Variants in C11orf24 observed in about 807,000 individuals in gnomAD.
The protein encoded by C11orf24 is uncharacterized protein C11orf24.
Under a neutral mutation model 7.3 loss-of-function variants are expected in C11orf24, and 5 were observed. That is an observed-to-expected ratio of 0.69 (90% CI 0.36 to 1.45). The LOEUF (loss-of-function observed/expected upper bound fraction) is 1.45, where lower values mean the gene tolerates loss of function less well. C11orf24 is among the 40% of genes most tolerant of loss of function. The pLI, the probability that C11orf24 is intolerant of heterozygous loss-of-function variation, is 0.03. For missense variants in C11orf24, 566 were observed against 590.5 expected, an observed-to-expected ratio of 0.96 and a Z score of 0.43; for synonymous variants, 233 against 235.7, an observed-to-expected ratio of 0.99 and a Z score of 0.11.
chr11:68,271,606 C>A, intron 1 of C11orf24: 1 of 153,034 alleles, frequency 6.5e-6, no homozygotes. Context: ...GTCTCTTGGG[C>A]CCCCAGCCAT....
chr11:68,268,813 T>C (rs1018204688), intron 1 of C11orf24, among the ~76,000 whole-genome samples: 1 of 152,208 alleles, frequency 6.6e-6, no homozygotes, highest in Non-Finnish European at 1.5e-5. Flanking sequence ...CTCACAGCAT[T>C]ATTTAGAAAG....
rs1183759919 is a variant in C11orf24 at position 68,262,253 on chromosome 11, G to C, written c.742C>G (p.Pro248Ala). Residue 248 changes from proline to alanine, a missense_variant, in exon 4 of 4, where the codon CCT becomes GCT. By Grantham distance (27) the Pro-to-Ala change is conservative. Transcript: ENST00000304271. The stretch of plus-strand genomic sequence containing the variant: ...GGACCTTGTGCTTGGGGACGCATAG[G>C]GGGTACAGGGCTTGCCGCGGTGTCA... ...PSDTAASPVP[P>A]MRPQAQGPIS... is the part of the protein sequence containing the mutation. The C allele has an allele frequency of 6.2e-6, 10 of 1,613,404 alleles. No homozygotes were observed. In the Middle Eastern group the frequency reaches 6.6e-4, roughly 106 times the overall value.
rs1420502050 is a variant in C11orf24 at position 68,262,959 on chromosome 11, T to A, written c.77-41A>T. 2.5e-6 allele frequency: 4 copies of A among 1,580,330 alleles called. No homozygotes were observed. In the African/African-American group the frequency reaches 4.0e-5, roughly 16 times the overall value. ...AGGAGAAAAAGAGAGACAATCATGT[T>A]CAATCCTGCACAGGGGGATTGCTCA... is the stretch of plus-strand genomic sequence containing the variant. On this transcript the variant is annotated intron_variant, in intron 3 of 3. Coordinates refer to ENST00000304271, the MANE Select transcript of C11orf24 (RefSeq NM_022338.4).
intron 1 of C11orf24, among the ~76,000 whole-genome samples, chr11:68,270,417 C>T (rs1979579): frequency 0.6 from 90,985 of 151,794 alleles, 27,547 homozygotes; most frequent in South Asian, 0.71. Context: ...TCTTGTGTTC[C>T]GAACCTTGGC....
intron 3 of C11orf24, 52 bp downstream of exon 3, chr11:68,263,640 G>T (rs2098563095): frequency 6.5e-7 from 1 of 1,538,104 alleles, no homozygotes. Context: ...GGCTCAGCAT[G>T]CTTTGTGGCC....
chr11:68,261,856 G>A lies in C11orf24; in HGVS notation c.1139C>T (p.Thr380Ile), dbSNP rs1292711955. 11 of 1,614,134 alleles carry A rather than the reference G, an allele frequency of 6.8e-6. No homozygotes were observed. The East Asian group carries it at 2.2e-4, about 33-fold the overall frequency. ...GGTGACCACCATGTACTGGCCTTGG[G>A]TGCTGGGCTGGCACGAGTCCGTGGC... Reference protein sequence around the residue: ...MPATDSCQPSTQGQYMVVTTE... With the variant: ...MPATDSCQPSIQGQYMVVTTE... Residue 380 changes from threonine (T) to isoleucine (I), a missense_variant, in exon 4 of 4, where the codon ACC becomes ATC. Coordinates refer to ENST00000304271, the MANE Select transcript of C11orf24 (RefSeq NM_022338.4).
Position 68,261,704 on chromosome 11 carries a change from T to G in C11orf24, c.1291A>C (p.Lys431Gln). Residue 431 changes from lysine (K) to glutamine (Q), a missense_variant, in exon 4 of 4, where the codon AAG becomes CAG. Coordinates refer to ENST00000304271, the MANE Select transcript of C11orf24 (RefSeq NM_022338.4). ...AAGTAGTCCACCTGGGTGTAGTCCT[T>G]CTTCTTGTAGCTCTCATAGGCCTGC... ...ALQAYESYKK[K>Q]DYTQVDYLIN... 6.2e-7 allele frequency: 1 copy of G among 1,614,094 alleles called. No individual in the cohort carries two copies. Among genetic ancestry groups the G allele is most frequent in the South Asian group, 1.1e-5 (1 of 91,084 alleles).
At chr11:68,267,997 GGC>G (rs1565292458) in intron 2 of C11orf24, 55 bp downstream of exon 2, 1 of 152,472 alleles carries the variant, frequency 6.6e-6, no homozygotes, top group Non-Finnish European at 1.5e-5. Context: ...GCTCCCTCTG[GGC>G]TCACCGTCCC....
At position 68,261,402 on chromosome 11, in the gene C11orf24, GC is replaced by G. The variant is rs1194664157; in HGVS notation, c.*242del. 1.2e-5 allele frequency: 6 copies of G among 480,118 alleles called. No individual in the cohort carries two copies. In the Admixed American group the frequency reaches 1.8e-4, roughly 14 times the overall value. 29.7% of individuals were successfully genotyped at this position (480,118 alleles called of 1,614,324 possible). ...CACCTGGGGAGACGGGGTCCTGCCC[GC>G]CCCACCCTGAGGTGGAACCCCCAGC... On this transcript the variant is annotated 3_prime_UTR_variant, in exon 4 of 4. Transcript: ENST00000304271.
chr11:68,264,299 T>C (rs1240640121), intron 2 of C11orf24, among the ~76,000 whole-genome samples: 1 of 151,856 alleles, frequency 6.6e-6, no homozygotes, highest in East Asian at 1.9e-4. Context: ...GACTGTGCCT[T>C]TCACATGGGA....
chr11:68,264,492 A>ATCTG (rs2098563616), intron 2 of C11orf24, among the ~76,000 whole-genome samples: 1 of 133,016 alleles, frequency 7.5e-6, no homozygotes, highest in Non-Finnish European at 1.6e-5. Flanking sequence ...CCACCCACCC[A>ATCTG]TCCATCCACC....
chr11:68,261,378 A>ACCTGGGGAGACGGGGTCCTGCCCG lies in C11orf24; in HGVS notation c.*243_*266dup. On this transcript the variant is annotated 3_prime_UTR_variant, in exon 4 of 4. Coordinates refer to ENST00000304271, the MANE Select transcript of C11orf24 (RefSeq NM_022338.4). ...ACTTTAATTCAGGTCAGGCTCCGAC[A>ACCTGGGGAGACGGGGTCCTGCCCG]CCTGGGGAGACGGGGTCCTGCCCGC... The ACCTGGGGAGACGGGGTCCTGCCCG allele has an allele frequency of 2.2e-6, 1 of 447,418 alleles. No homozygotes were observed. The highest frequency in any genetic ancestry group is 4.0e-6 in the Non-Finnish European group (1 of 247,044). 27.7% of individuals were successfully genotyped at this position (447,418 alleles called of 1,614,324 possible).
intron 2 of C11orf24, among the ~76,000 whole-genome samples, chr11:68,266,177 A>G (rs1006173801): frequency 2.0e-5 from 3 of 152,236 alleles, no homozygotes; most frequent in African/African-American, 7.2e-5. Context: ...GTGCAGCCAC[A>G]GGACCTCTGA....
chr11:68,262,476 G>A lies in C11orf24; in HGVS notation c.519C>T (p.Ser173=). Residue 173 remains serine, a synonymous_variant, in exon 4 of 4, where the codon TCC becomes TCT. Coordinates refer to ENST00000304271, the MANE Select transcript of C11orf24 (RefSeq NM_022338.4). ...CGGTAGTGGACGGGGTCCGCCCTGT[G>A]GAAGTGGACGTGGGCGCGGGGAGTG... The part of the protein sequence containing the change: ...TLALPAPTST[S]TGRTPSTTAT... The A allele has an allele frequency of 1.2e-6, 2 of 1,614,136 alleles. No individual in the cohort carries two copies. The highest frequency in any genetic ancestry group is 1.7e-6 in the Non-Finnish European group (2 of 1,180,018).
At chr11:68,263,566 G>A in intron 3 of C11orf24, 126 bp downstream of exon 3, 1 of 825,968 alleles carries the variant, frequency 1.2e-6, no homozygotes, top group Admixed American at 2.3e-5. Context: ...CCTTCCCTGT[G>A]CGGCACCTGG....
rs375122455 is a variant in C11orf24 at position 68,262,417 on chromosome 11, G to C, written c.578C>G (p.Ala193Gly). 6.2e-7 allele frequency: 1 copy of C among 1,614,066 alleles called. No individual in the cohort carries two copies. The highest frequency in any genetic ancestry group is 8.5e-7 in the Non-Finnish European group (1 of 1,180,044). ...CAACGCGCTGCTCTTTGGCACTTGTGCGAGGGCTGTGCTGAGAGATGGATG... is the reference window on the plus strand; with the variant it reads ...CAACGCGCTGCTCTTTGGCACTTGTCCGAGGGCTGTGCTGAGAGATGGATG... ...TGHPSLSTALAQVPKSSALPR... is the reference protein window; with the variant it reads ...TGHPSLSTALGQVPKSSALPR... Residue 193 changes from alanine to glycine, a missense_variant, in exon 4 of 4, where the codon GCA becomes GGA. Ala to Gly is a moderately conservative substitution (Grantham distance 60, BLOSUM62 0). Transcript: ENST00000304271.
chr11:68,267,460 T>C (rs1416343272), intron 2 of C11orf24: 1 of 152,184 alleles, frequency 6.6e-6, no homozygotes, highest in Non-Finnish European at 1.5e-5. Flanking sequence ...GAGAACCTCT[T>C]GAGGTAACTT....
At chr11:68,268,345 T>G (rs939183162) in intron 1 of C11orf24, 94 bp from the exon 2 acceptor site, 1 of 152,218 alleles carries the variant, frequency 6.6e-6, no homozygotes, top group African/African-American at 2.4e-5. Flanking sequence ...ATTCAATAGA[T>G]CATTCATTCC....
chr11:68,266,595 G>C (rs1490304407), intron 2 of C11orf24, among the ~76,000 whole-genome samples: 1 of 152,124 alleles, frequency 6.6e-6, no homozygotes, highest in Non-Finnish European at 1.5e-5. Flanking sequence ...AGCATTCTTT[G>C]TTCTGACAGA....
Sources: allele counts gnomAD v4.1 joint callset (sites outside exome capture counted in the v4.1 genomes callset), GRCh38; gene constraint gnomAD v4.1.1; transcripts MANE v1.5; gene names NCBI Gene and HGNC (gene_info 2026-07-23, HGNC 2026-07-21).